The following THSD7A variants were observed in gnomAD, a reference collection of about 807,000 sequenced individuals.
THSD7A encodes thrombospondin type 1 domain containing 7A, also known as thrombospondin type-1 domain-containing protein 7A.
Under a neutral mutation model 231.3 loss-of-function variants are expected in THSD7A, and 96 were observed. That is an observed-to-expected ratio of 0.41 (90% CI 0.35 to 0.49). The LOEUF is 0.49. Among genes scored for constraint, THSD7A ranks in the 20% least tolerant of loss-of-function variants. THSD7A has a pLI of 0.05. For synonymous variants in THSD7A, 940 were observed against 743.3 expected, an observed-to-expected ratio of 1.26 and a Z score of -4.30; for missense variants, 2,290 against 2,070.2, an observed-to-expected ratio of 1.11 and a Z score of -2.06.
Position 11,411,346 on chromosome 7 carries a change from G to T in THSD7A, c.3683-24C>A. On this transcript the variant is annotated intron_variant, in intron 18 of 27. Coordinates refer to ENST00000423059, the MANE Select transcript of THSD7A (RefSeq NM_015204.3). The surrounding 1 kb of genome is among the most constrained non-coding windows in gnomAD (Gnocchi z 4.1). ...GTCTGAAAAAAAGGGAAGCCCATCA[G>T]AACAGAAGGCTAAGTAAGAAACAGA... 2 of 1,509,572 alleles carry T rather than the reference G, an allele frequency of 1.3e-6. No individual in the cohort carries two copies. The highest frequency in any genetic ancestry group is 1.8e-6 in the Non-Finnish European group (2 of 1,090,740). The allele number at this position is 1,509,572 out of a possible 1,614,324, so 93.5% of individuals were successfully genotyped here. A position where few individuals can be genotyped will look rare whatever the true frequency, so the allele number is the denominator to read the frequency against.
At chr7:11,445,991 T>C (rs1018757412) in intron 13 of THSD7A, 70 bp downstream of exon 13, 2 of 1,572,894 alleles carry the variant, frequency 1.3e-6, no homozygotes, top group Admixed American at 3.4e-5. Flanking sequence ...TCCATTCCAC[T>C]ATGATGCGTG....
chr7:11,627,440 T>C (rs1044169606), intron 2 of THSD7A, among the ~76,000 whole-genome samples: 92 of 152,216 alleles, frequency 6.0e-4, no homozygotes, highest in African/African-American at 2.2e-3. Flanking sequence ...TGTGTTGGTA[T>C]ATAGCCTTTC....
At chr7:11,436,679 GTTTTT>G (rs55972329) in intron 13 of THSD7A, among the ~76,000 whole-genome samples, 1 of 145,498 alleles carries the variant, frequency 6.9e-6, no homozygotes, top group African/African-American at 2.5e-5. Context: ...TTTAAAGTAG[GTTTTT>G]TTTTTTTAAT....
chr7:11,405,211 A>G (rs1373123759), intron 22 of THSD7A, among the ~76,000 whole-genome samples: 1 of 149,826 alleles, frequency 6.7e-6, no homozygotes, highest in Non-Finnish European at 1.5e-5. Flanking sequence ...TAGCTAGCCC[A>G]TGTCAGTTTT....
chr7:11,415,547 G>A (rs545987113), intron 17 of THSD7A, among the ~76,000 whole-genome samples: 5 of 152,082 alleles, frequency 3.3e-5, no homozygotes, highest in African/African-American at 7.2e-5. Flanking sequence ...CACCTACCGA[G>A]AGATGCCTGC....
Position 11,535,937 on chromosome 7 carries a change from G to C in THSD7A, c.1822+5482C>G, listed in dbSNP as rs560119767. 2.6e-5 allele frequency among the ~76,000 whole-genome samples: 4 copies of C among 152,194 alleles called. No homozygotes were observed. The South Asian group carries it at 8.3e-4, about 32-fold the overall frequency. On this transcript the variant is annotated intron_variant, in intron 6 of 27. Coordinates refer to ENST00000423059, the MANE Select transcript of THSD7A (RefSeq NM_015204.3). ...ACCACTCTCCCTTGTACATTACAATGTCCTTGTTTATCATTAATAAATGAT... is the reference window on the plus strand; with the variant it reads ...ACCACTCTCCCTTGTACATTACAATCTCCTTGTTTATCATTAATAAATGAT...
intron 1 of THSD7A, chr7:11,751,276 G>C (rs1177342238): frequency 1.3e-5 from 2 of 148,356 alleles, no homozygotes; most frequent in African/African-American, 4.9e-5. Context: ...GAGGAAAAGA[G>C]GGCAATGGCT....
At chr7:11,530,868 A>C (rs966006621) in intron 6 of THSD7A, among the ~76,000 whole-genome samples, 1 of 152,038 alleles carries the variant, frequency 6.6e-6, no homozygotes, top group Admixed American at 6.6e-5. Context: ...AAAATTAGCC[A>C]TGCATGGTCG....
intron 1 of THSD7A, among the ~76,000 whole-genome samples, chr7:11,645,265 A>G (rs1782236231): frequency 6.6e-6 from 1 of 151,588 alleles, no homozygotes; most frequent in Admixed American, 6.6e-5. Context: ...ATTCTCATGG[A>G]TGTTTTTTCT....
chr7:11,751,915 T>C (rs1011720932), intron 1 of THSD7A, among the ~76,000 whole-genome samples: 7 of 152,048 alleles, frequency 4.6e-5, no homozygotes, highest in African/African-American at 1.7e-4. Flanking sequence ...CACATAATTT[T>C]AAGGCAATCA....
chr7:11,720,463 C>G (rs1781310580), intron 1 of THSD7A, among the ~76,000 whole-genome samples: 2 of 151,718 alleles, frequency 1.3e-5, no homozygotes, highest in Non-Finnish European at 2.9e-5. Flanking sequence ...TAATCTCTTT[C>G]TACTGGCTCC....
chr7:11,551,464 T>C (rs62434463), intron 4 of THSD7A, among the ~76,000 whole-genome samples: 2,323 of 152,182 alleles, frequency 0.015, 45 homozygotes, highest in East Asian at 0.04. Context: ...AGGTCTAATA[T>C]CCTGAATCTA....
At chr7:11,543,321 C>A (rs1447519659) in intron 4 of THSD7A, among the ~76,000 whole-genome samples, 1 of 152,158 alleles carries the variant, frequency 6.6e-6, no homozygotes, top group Non-Finnish European at 1.5e-5. Context: ...TCAAAGGAAA[C>A]TGGAGATGTC....
chr7:11,432,759 A>C (rs1784518163), intron 13 of THSD7A, among the ~76,000 whole-genome samples: 1 of 152,018 alleles, frequency 6.6e-6, no homozygotes, highest in South Asian at 2.1e-4. Context: ...CATTATTAAC[A>C]GTGCTGCTAT....
At chr7:11,826,034 A>C (rs899156244) in intron 1 of THSD7A, among the ~76,000 whole-genome samples, 2 of 152,236 alleles carry the variant, frequency 1.3e-5, no homozygotes, top group Non-Finnish European at 2.9e-5. Flanking sequence ...AGAATATTTT[A>C]TATGCAGAGT....
intron 4 of THSD7A, among the ~76,000 whole-genome samples, chr7:11,550,386 T>G (rs1789577131): frequency 6.6e-6 from 1 of 150,832 alleles, no homozygotes; most frequent in Admixed American, 6.6e-5. Context: ...AGTGACATGG[T>G]TTTTTTCTGT....
rs543316188 is a variant in THSD7A at position 11,540,579 on chromosome 7, G to C, written c.1822+840C>G. On this transcript the variant is annotated intron_variant, in intron 6 of 27. Coordinates refer to ENST00000423059, the MANE Select transcript of THSD7A (RefSeq NM_015204.3). ...GCTTCTCTGATGTGCAGAGTCATAG[G>C]ATTCAAGAGATAGAGCAACCTTAGA... Among the ~76,000 whole-genome samples the C allele has an allele frequency of 2.0e-5, 3 of 152,324 alleles. No individual in the cohort carries two copies. In the East Asian group the frequency reaches 5.8e-4, roughly 29 times the overall value.
intron 2 of THSD7A, among the ~76,000 whole-genome samples, chr7:11,622,176 C>G (rs996363687): frequency 4.3e-4 from 65 of 151,986 alleles, no homozygotes; most frequent in African/African-American, 1.5e-3. Context: ...GTACATATAC[C>G]TAAAAATGGT....
intron 13 of THSD7A, among the ~76,000 whole-genome samples, chr7:11,437,892 GATTAT>G (rs1235362898): frequency 6.6e-6 from 1 of 151,968 alleles, no homozygotes; most frequent in African/African-American, 2.4e-5. Context: ...CCATATTCAT[GATTAT>G]ATTTATCAGT....
Sources: gnomAD v4.1 joint callset for allele counts (sites outside exome capture counted in the v4.1 genomes callset) on GRCh38, gnomAD v4.1.1 for gene constraint, Gnocchi (gnomAD v3.1) non-coding constraint, MANE v1.5 for transcripts, NCBI Gene and HGNC (gene_info 2026-07-23, HGNC 2026-07-21) for gene names.